Variants in MEGF11 observed in about 807,000 individuals in gnomAD.
The protein encoded by MEGF11 is multiple epidermal growth factor-like domains protein 11.
MEGF11 carries 126 observed loss-of-function variants against 146.6 expected under a neutral mutation model. The observed-to-expected ratio is 0.86, with a 90% CI of 0.74 to 1.00. The LOEUF is 1.00. Ranked by LOEUF, MEGF11 falls within the 50% of genes least tolerant of loss-of-function variation. The pLI is 0.00. For missense variants in MEGF11, 1,509 were observed against 1,521.2 expected, an observed-to-expected ratio of 0.99 and a Z score of 0.13; for synonymous variants, 532 against 583.4, an observed-to-expected ratio of 0.91 and a Z score of 1.27.
chr15:65,992,079 T>C (rs1477043193), intron 5 of MEGF11, among the ~76,000 whole-genome samples: 1 of 152,170 alleles, frequency 6.6e-6, no homozygotes, highest in Non-Finnish European at 1.5e-5. Context: ...GGGCAGTGTC[T>C]CGGGCAGCAG....
chr15:65,909,131 G>T lies in MEGF11; in HGVS notation c.2901C>A (p.Ser967=). Residue 967 remains serine (S), a synonymous_variant, in exon 23 of 26, where the codon TCC becomes TCA. Coordinates refer to ENST00000395614, the MANE Select transcript of MEGF11 (RefSeq NM_001385028.1). ...CCTCCAGGGCACTGATCTGGAAATG[G>T]GAGTCTAGTGAGAGGAATGACAGGG... The part of the protein sequence containing the change: ...TPYSYVNVLD[S]HFQISALEAR... The T allele has an allele frequency of 6.5e-7, 1 of 1,531,304 alleles. No homozygotes were observed. Among genetic ancestry groups the T allele is most frequent in the Non-Finnish European group, 8.8e-7 (1 of 1,142,536 alleles). 94.9% of individuals were successfully genotyped at this position (1,531,304 alleles called of 1,614,324 possible).
chr15:65,983,258 A>T (rs1045610849), intron 5 of MEGF11, among the ~76,000 whole-genome samples: 2 of 152,148 alleles, frequency 1.3e-5, no homozygotes, highest in Non-Finnish European at 2.9e-5. Flanking sequence ...AGCCTTCAAG[A>T]TCTTTACATG....
chr15:66,105,266 A>C (rs1196905662), intron 4 of MEGF11, among the ~76,000 whole-genome samples: 3 of 152,178 alleles, frequency 2.0e-5, no homozygotes, highest in Non-Finnish European at 4.4e-5. Flanking sequence ...GGAGGCCCAA[A>C]TAAAGGAAAG....
chr15:66,252,224 G>GCCCCCCACCCCCCA (rs67789133), intron 1 of MEGF11, among the ~76,000 whole-genome samples: 1 of 89,908 alleles, frequency 1.1e-5, no homozygotes, highest in East Asian at 3.5e-4. Flanking sequence ...CGCACCCCCC[G>GCCCCCCACCCCCCA]CCCCCCACCC....
rs200869583 is a variant in MEGF11, at chr15:66,048,775, T to C, written c.394+45627A>G. On this transcript the variant is annotated intron_variant, in intron 5 of 25. Coordinates refer to ENST00000395614, the MANE Select transcript of MEGF11 (RefSeq NM_001385028.1). ...GCCTAACTTGCCCCACAAGTGACAT[T>C]GTTAAGTTCTAGGCAGCAGAATTGA... is the stretch of plus-strand genomic sequence containing the variant. Among the ~76,000 whole-genome samples, 16 of 152,202 alleles carry C rather than the reference T, an allele frequency of 1.1e-4. No homozygotes were observed. The East Asian group carries it at 2.7e-3, about 26-fold the overall frequency.
At chr15:66,226,875 G>A (rs956434977) in intron 1 of MEGF11, among the ~76,000 whole-genome samples, 1 of 152,072 alleles carries the variant, frequency 6.6e-6, no homozygotes, top group Non-Finnish European at 1.5e-5. Context: ...ATACCCAGAG[G>A]CAGCCCTGCA....
At chr15:66,184,503 G>C (rs1212461649) in intron 1 of MEGF11, among the ~76,000 whole-genome samples, 1 of 151,832 alleles carries the variant, frequency 6.6e-6, no homozygotes, top group Admixed American at 6.6e-5. Flanking sequence ...TTAAATTACA[G>C]ATCTGACCAC....
In MEGF11 at chr15:65,955,831, A is replaced by AAATATATATATATATATATATATAT. The variant is rs2080613987; in HGVS notation, c.1287+1715_1287+1716insATATATATATATATATATATATATT. 9.2e-5 allele frequency among the ~76,000 whole-genome samples: 6 copies of AAATATATATATATATATATATATAT among 65,082 alleles called. No individual in the cohort carries two copies. In the Admixed American group the frequency reaches 1.1e-3, roughly 12 times the overall value. 42.7% of individuals were successfully genotyped at this position (65,082 alleles called of 152,430 possible). On this transcript the variant is annotated intron_variant, in intron 10 of 25. Coordinates refer to ENST00000395614, the MANE Select transcript of MEGF11 (RefSeq NM_001385028.1). The stretch of plus-strand genomic sequence containing the variant: ...ACACACACAATACTTTAAATATATA[A>AAATATATATATATATATATATATAT]CATGTAATCAATATAACAAAATGAT...
intron 15 of MEGF11, chr15:65,921,997 C>G (rs1474654488): frequency 6.7e-6 from 2 of 296,622 alleles, no homozygotes; most frequent in Non-Finnish European, 1.3e-5. Flanking sequence ...ACCCTTGGCA[C>G]TCGGCACAGA....
intron 1 of MEGF11, among the ~76,000 whole-genome samples, chr15:66,134,130 G>C (rs1333341873): frequency 2.0e-5 from 3 of 152,188 alleles, no homozygotes; most frequent in African/African-American, 7.2e-5. Context: ...CAGAGAGCAA[G>C]TGGCCCTGAC....
chr15:66,022,865 A>T (rs927630747), intron 5 of MEGF11, among the ~76,000 whole-genome samples: 2 of 113,710 alleles, frequency 1.8e-5, no homozygotes, highest in African/African-American at 6.3e-5. Context: ...AAAAAAAAAA[A>T]TTGGTTGGGG....
chr15:66,196,715 A>C (rs1014626262), intron 1 of MEGF11, among the ~76,000 whole-genome samples: 1 of 152,216 alleles, frequency 6.6e-6, no homozygotes, highest in Non-Finnish European at 1.5e-5. Flanking sequence ...CTAAGACCAG[A>C]AACTATTGCC....
At chr15:66,212,339 C>A (rs562173159) in intron 1 of MEGF11, among the ~76,000 whole-genome samples, 1 of 152,290 alleles carries the variant, frequency 6.6e-6, no homozygotes, top group African/African-American at 2.4e-5. Context: ...TGGCACCCAC[C>A]TATCATCTCT....
intron 5 of MEGF11, among the ~76,000 whole-genome samples, chr15:66,071,137 T>C (rs1337539667): frequency 2.6e-5 from 4 of 152,186 alleles, no homozygotes; most frequent in South Asian, 2.1e-4. Flanking sequence ...GTCCACCTTA[T>C]AGAACTGTCC....
intron 5 of MEGF11, among the ~76,000 whole-genome samples, chr15:66,070,897 C>A (rs960568318): frequency 1.3e-5 from 2 of 151,922 alleles, no homozygotes; most frequent in African/African-American, 4.8e-5. Context: ...GTTGTAGAAA[C>A]CAAAGTTTAT....
At chr15:66,204,435 AAAG>A (rs1307299161) in intron 1 of MEGF11, among the ~76,000 whole-genome samples, 2 of 152,128 alleles carry the variant, frequency 1.3e-5, no homozygotes, top group African/African-American at 4.8e-5. Context: ...AAAAGAAAAA[AAAG>A]AAGAAGCAGT....
chr15:65,992,537 C>T (rs2082083908), intron 5 of MEGF11, among the ~76,000 whole-genome samples: 1 of 151,532 alleles, frequency 6.6e-6, no homozygotes, highest in South Asian at 2.1e-4. Context: ...ATTAGCAGAT[C>T]TGGAAGCCAG....
chr15:66,098,634 C>A lies in MEGF11; in HGVS notation c.302-4140G>T, dbSNP rs977740633. ...CAGAGCCACCCCCGAACCCAGTCTC[C>A]CCAGTGCTCCAAGGCACATTGATCA... On this transcript the variant is annotated intron_variant, in intron 4 of 25. Coordinates refer to ENST00000395614, the MANE Select transcript of MEGF11 (RefSeq NM_001385028.1). Among the ~76,000 whole-genome samples, 3 of 152,290 alleles carry A rather than the reference C, an allele frequency of 2.0e-5. No homozygotes were observed. The South Asian group carries it at 6.2e-4, about 32-fold the overall frequency.
intron 10 of MEGF11, among the ~76,000 whole-genome samples, chr15:65,937,781 CAT>C (rs964952842): frequency 3.5e-4 from 54 of 152,368 alleles, no homozygotes; most frequent in African/African-American, 1.2e-3. Context: ...AGGGATATCA[CAT>C]AGAGTTAATT....
Sources: allele counts gnomAD v4.1 joint callset (sites outside exome capture counted in the v4.1 genomes callset), GRCh38; gene constraint gnomAD v4.1.1; transcripts MANE v1.5; gene names NCBI Gene and HGNC (gene_info 2026-07-23, HGNC 2026-07-21).